PSG8: variants seen among roughly 807,000 people sequenced by gnomAD.
PSG8 encodes pregnancy-specific beta-1-glycoprotein 8.
In PSG8, 57 loss-of-function variants were observed where a neutral mutation model predicts 42.5. That is an observed-to-expected ratio of 1.34 (90% CI 1.08 to 1.67). The LOEUF is 1.67. Among genes scored for constraint, PSG8 ranks in the 40% most tolerant of loss-of-function variants. PSG8 has a pLI of 0.00. For missense variants in PSG8, 783 were observed against 518.6 expected, an observed-to-expected ratio of 1.51 and a Z score of -4.95; for synonymous variants, 280 against 196.8, an observed-to-expected ratio of 1.42 and a Z score of -3.54.
chr19:42,758,151 A>T lies in PSG8; in HGVS notation c.560T>A (p.Leu187His), dbSNP rs752451004. The change falls in exon 3 of 5, where the codon CTC becomes CAC. Residue 187 changes from leucine (L) to histidine (H), a missense_variant. Transcript: ENST00000306511. ...SYLWWMNGQS[L>H]PMSHRLQLSE... ...CAACTGCAACCTGTGAGACATAGGGAGGCTCTGACCATTCATCCACCACAG... is the reference window on the plus strand; with the variant it reads ...CAACTGCAACCTGTGAGACATAGGGTGGCTCTGACCATTCATCCACCACAG... 1.9e-5 allele frequency: 30 copies of T among 1,613,862 alleles called. No homozygotes were observed. The East Asian group carries it at 6.7e-4, about 36-fold the overall frequency.
intron 1 of PSG8, among the ~76,000 whole-genome samples, chr19:42,764,898 G>A (rs1454948227): frequency 1.3e-5 from 2 of 151,938 alleles, no homozygotes; most frequent in African/African-American, 4.8e-5. Flanking sequence ...CCCCCCAATT[G>A]TTGAGGTTTC....
In PSG8 at chr19:42,754,405, G is replaced by C. The variant is rs775165084; in HGVS notation, c.1171C>G (p.Leu391Val). ...IPQITTKHSG[L>V]YACSVRNSAT... ...GAGTTACGAACAGAGCAAGCATAGA[G>C]CCCGCTATGCTTTGTAGTAATTTGG... The change falls in exon 5 of 5, where the codon CTC becomes GTC. Residue 391 changes from leucine to valine, a missense_variant. By Grantham distance (32) the Leu-to-Val change is conservative. Coordinates refer to ENST00000306511, the MANE Select transcript of PSG8 (RefSeq NM_182707.3). 1.2e-6 allele frequency: 2 copies of C among 1,613,832 alleles called. No individual in the cohort carries two copies. The highest frequency in any genetic ancestry group is 2.2e-5 in the East Asian group (1 of 44,884).
chr19:42,753,562 G>C (rs181995287), downstream of PSG8, among the ~76,000 whole-genome samples: 492 of 152,276 alleles, frequency 3.2e-3, 4 homozygotes, highest in Middle Eastern at 6.8e-3. Flanking sequence ...TGGTCTGATT[G>C]TTTACATAAG....
rs767025509 is a variant in PSG8, at chr19:42,755,240, T to A, written c.736A>T (p.Ile246Phe). ...TTCTCCCTGGGTTTTAAGTTGTTGATGGTGATGTAGGGCTTGGGCAGCTTC... is the reference window on the plus strand; with the variant it reads ...TTCTCCCTGGGTTTTAAGTTGTTGAAGGTGATGTAGGGCTTGGGCAGCTTC... The part of the protein sequence containing the change: ...LPKLPKPYIT[I>F]NNLKPRENKD... The change falls in exon 4 of 5, where the codon ATC becomes TTC. Residue 246 changes from isoleucine (I) to phenylalanine (F), a missense_variant. Transcript: ENST00000306511. 7.4e-6 allele frequency: 12 copies of A among 1,612,188 alleles called. No homozygotes were observed. In the Admixed American group the frequency reaches 2.0e-4, roughly 27 times the overall value.
At chr19:42,753,453 T>A (rs929678760), downstream of PSG8, 8 of 764,330 alleles carry the variant, frequency 1.0e-5, no homozygotes, top group Non-Finnish European at 1.7e-5. Flanking sequence ...AGTTTTTATT[T>A]TCCACATAAT....
At chr19:42,764,757 C>T (rs573418496) in intron 1 of PSG8, among the ~76,000 whole-genome samples, 1 of 152,186 alleles carries the variant, frequency 6.6e-6, no homozygotes, top group Non-Finnish European at 1.5e-5. Flanking sequence ...TCTTCCCCTC[C>T]ATGACAGCGT....
At chr19:42,763,691 T>C in intron 2 of PSG8, 1 of 839,144 alleles carries the variant, frequency 1.2e-6, no homozygotes, top group South Asian at 1.6e-5. Context: ...CATCAGACTG[T>C]CCTTCCTCTG....
chr19:42,755,700 A>C (rs143413107), intron 3 of PSG8: 5 of 229,370 alleles, frequency 2.2e-5, no homozygotes, highest in African/African-American at 1.1e-4. Flanking sequence ...AGGACATTCT[A>C]GAGATGAGTA....
chr19:42,753,835 C>G (rs905288673), downstream of PSG8: 37 of 444,080 alleles, frequency 8.3e-5, no homozygotes, highest in Middle Eastern at 1.7e-3. Context: ...TGTTGCTGTA[C>G]TTGTGCAAAT....
In PSG8 at chr19:42,754,403, G is replaced by C; in HGVS notation, c.1173C>G (p.Leu391=). Residue 391 remains leucine, a synonymous_variant, in exon 5 of 5, where the codon CTC becomes CTG. Coordinates refer to ENST00000306511, the MANE Select transcript of PSG8 (RefSeq NM_182707.3). ...IPQITTKHSG[L]YACSVRNSAT... Reference sequence around the variant, plus strand: ...CTGAGTTACGAACAGAGCAAGCATAGAGCCCGCTATGCTTTGTAGTAATTT... The same window carrying C: ...CTGAGTTACGAACAGAGCAAGCATACAGCCCGCTATGCTTTGTAGTAATTT... 1 of 1,613,822 alleles carries C rather than the reference G, an allele frequency of 6.2e-7. No homozygotes were observed. The highest frequency in any genetic ancestry group is 2.2e-5 in the East Asian group (1 of 44,882).
intron 1 of PSG8, among the ~76,000 whole-genome samples, chr19:42,764,548 C>G (rs13382062): frequency 0.17 from 25,516 of 151,638 alleles, 3,808 homozygotes; most frequent in African/African-American, 0.4. Context: ...TTTCTGTTTG[C>G]AATCCTCTTC....
chr19:42,754,834 C>T (rs1969875989), intron 4 of PSG8, 154 bp downstream of exon 4: 2 of 1,498,100 alleles, frequency 1.3e-6, no homozygotes, highest in African/African-American at 1.4e-5. Flanking sequence ...GCTGTGCCTA[C>T]CCAGGTTTTC....
chr19:42,754,406 C>A lies in PSG8; in HGVS notation c.1170G>T (p.Gly390=). 1 of 1,613,796 alleles carries A rather than the reference C, an allele frequency of 6.2e-7. No individual in the cohort carries two copies. Among genetic ancestry groups the A allele is most frequent in the Non-Finnish European group, 8.5e-7 (1 of 1,179,790 alleles). The change falls in exon 5 of 5, where the codon GGG becomes GGT. Residue 390 remains glycine (G), a synonymous_variant. Coordinates refer to ENST00000306511, the MANE Select transcript of PSG8 (RefSeq NM_182707.3). ...AGTTACGAACAGAGCAAGCATAGAG[C>A]CCGCTATGCTTTGTAGTAATTTGGG... is the stretch of plus-strand genomic sequence containing the variant. ...FIPQITTKHS[G]LYACSVRNSA... is the part of the protein sequence containing the mutation.
In PSG8 at chr19:42,764,083, A is replaced by T; in HGVS notation, c.263T>A (p.Ile88Lys). 1 of 1,613,516 alleles carries T rather than the reference A, an allele frequency of 6.2e-7. No homozygotes were observed. The highest frequency in any genetic ancestry group is 8.5e-7 in the Non-Finnish European group (1 of 1,179,824). Residue 88 changes from isoleucine (I) to lysine (K), a missense_variant, in exon 2 of 5, where the codon ATA becomes AAA. Coordinates refer to ENST00000306511, the MANE Select transcript of PSG8 (RefSeq NM_182707.3). ...YITSYVVDGQ[I>K]IIYGPAYSGR... ...ACTGTATGCAGGCCCATATATAATT[A>T]TTTGACCGTCTACTACATATGATGT...
downstream of PSG8, chr19:42,752,701 G>A (rs1462619069): frequency 6.2e-6 from 1 of 160,110 alleles, no homozygotes; most frequent in Non-Finnish European, 1.4e-5. Context: ...AGCAAATGTG[G>A]TACATGTTTT....
At chr19:42,763,528 G>T (rs1274870334) in intron 2 of PSG8, among the ~76,000 whole-genome samples, 1 of 152,138 alleles carries the variant, frequency 6.6e-6, no homozygotes, top group South Asian at 2.1e-4. Flanking sequence ...CTGTTCTGGG[G>T]GTGAGGCTTC....
intron 3 of PSG8, among the ~76,000 whole-genome samples, chr19:42,756,507 G>A (rs1006708116): frequency 2.0e-5 from 3 of 152,102 alleles, no homozygotes; most frequent in African/African-American, 7.2e-5. Context: ...ATACTTACTG[G>A]TTTAGCATCC....
intron 2 of PSG8, among the ~76,000 whole-genome samples, chr19:42,759,337 C>T (rs1247958151): frequency 2.0e-5 from 3 of 152,010 alleles, no homozygotes; most frequent in South Asian, 2.1e-4. Context: ...GGCAATAGGG[C>T]GTTGTTCCAT....
chr19:42,763,851 CTG>C (rs1015726719), intron 2 of PSG8, 63 bp downstream of exon 2: 4 of 1,611,506 alleles, frequency 2.5e-6, no homozygotes, highest in African/African-American at 2.7e-5. Context: ...CCTGACAATC[CTG>C]TGTGTGTGAA....
Sources: allele counts gnomAD v4.1 joint callset (sites outside exome capture counted in the v4.1 genomes callset), GRCh38; gene constraint gnomAD v4.1.1; transcripts MANE v1.5; gene names NCBI Gene and HGNC (gene_info 2026-07-23, HGNC 2026-07-21).